HSF5: variants seen among roughly 807,000 people sequenced by gnomAD.
The protein encoded by HSF5 is heat shock transcription factor 5, also known as heat shock factor protein 5.
A neutral mutation model predicts 50.8 loss-of-function variants in HSF5; 5 were observed. The ratio of observed to expected loss-of-function variants is 0.10; its 90% CI spans 0.05 to 0.21. The LOEUF (loss-of-function observed/expected upper bound fraction) is 0.21. HSF5 is among the 10% of genes least tolerant of loss of function. The pLI is 1.00. For missense variants in HSF5, 564 were observed against 762.6 expected (o/e 0.74, Z 3.07); for synonymous variants, 307 against 307.4 (o/e 1.00, Z 0.02).
intron 3 of HSF5, among the ~76,000 whole-genome samples, chr17:58,463,950 T>C (rs1974828545): frequency 6.6e-6 from 1 of 152,244 alleles, no homozygotes; most frequent in Non-Finnish European, 1.5e-5. Context: ...TGTTTGGTGA[T>C]AAAGATCTGT....
At chr17:58,429,482 C>T (rs577982840) in intron 5 of HSF5, among the ~76,000 whole-genome samples, 1 of 152,194 alleles carries the variant, frequency 6.6e-6, no homozygotes, top group Admixed American at 6.5e-5. Flanking sequence ...TGCAGTGAGC[C>T]AAGATCATAC....
At chr17:58,484,337 C>T (rs1364544654) in intron 1 of HSF5, among the ~76,000 whole-genome samples, 2 of 152,050 alleles carry the variant, frequency 1.3e-5, no homozygotes, top group African/African-American at 4.8e-5. Context: ...AAATGCTGAC[C>T]AACTGAAGTA....
intron 1 of HSF5, among the ~76,000 whole-genome samples, chr17:58,486,023 C>T (rs1342093075): frequency 6.6e-6 from 1 of 152,046 alleles, no homozygotes; most frequent in Non-Finnish European, 1.5e-5. Flanking sequence ...GAGCGGAGAT[C>T]TTGCCATTGC....
At chr17:58,485,608 T>G (rs1396971663) in intron 1 of HSF5, among the ~76,000 whole-genome samples, 1 of 150,890 alleles carries the variant, frequency 6.6e-6, no homozygotes, top group Non-Finnish European at 1.5e-5. Context: ...ATTAGCTGGG[T>G]GTGGTGGCCA....
In HSF5 at chr17:58,422,160, G is replaced by A; in HGVS notation, c.*200C>T. 1 of 521,856 alleles carries A rather than the reference G, an allele frequency of 1.9e-6. No homozygotes were observed. The highest frequency in any genetic ancestry group is 3.5e-5 in the Admixed American group (1 of 28,456). The allele number at this position is 521,856 out of a possible 1,614,324, so 32.3% of individuals were successfully genotyped here. On this transcript the variant is annotated 3_prime_UTR_variant, in exon 6 of 6. Coordinates refer to ENST00000323777, the MANE Select transcript of HSF5 (RefSeq NM_001080439.3). The stretch of plus-strand genomic sequence containing the variant: ...GTGGCTGCTAGATGTTCAGTAGTTT[G>A]TCAAGGCAGATAATCTGAACTGAAC...
chr17:58,477,707 G>C (rs1009884254), intron 2 of HSF5, among the ~76,000 whole-genome samples: 3 of 151,898 alleles, frequency 2.0e-5, no homozygotes, highest in Admixed American at 2.0e-4. Flanking sequence ...TGATCTGCCC[G>C]CCTCGGCCTC....
chr17:58,456,624 A>T (rs1330749300), intron 5 of HSF5, among the ~76,000 whole-genome samples: 2 of 152,214 alleles, frequency 1.3e-5, no homozygotes, highest in Non-Finnish European at 2.9e-5. Context: ...TCTCAATTTG[A>T]TCATTACACT....
At chr17:58,443,747 T>C (rs1020296956) in intron 5 of HSF5, among the ~76,000 whole-genome samples, 2 of 152,246 alleles carry the variant, frequency 1.3e-5, no homozygotes, top group Non-Finnish European at 2.9e-5. Flanking sequence ...CCCAAACTTA[T>C]ATAAGAGAAA....
chr17:58,428,185 C>T (rs2143726198), intron 5 of HSF5, among the ~76,000 whole-genome samples: 1 of 152,304 alleles, frequency 6.6e-6, no homozygotes, highest in South Asian at 2.1e-4. Flanking sequence ...TTTACTAACT[C>T]CTCTTCTAAT....
intron 2 of HSF5, among the ~76,000 whole-genome samples, chr17:58,469,311 T>C (rs1186159769): frequency 1.3e-5 from 2 of 152,190 alleles, no homozygotes; most frequent in African/African-American, 4.8e-5. Flanking sequence ...GGTGTAAAAA[T>C]GTACTTTAAA....
In HSF5 at chr17:58,471,928, A is replaced by G. The variant is rs1974951019; in HGVS notation, c.926-4949T>C. Among the ~76,000 whole-genome samples the G allele has an allele frequency of 2.0e-5, 3 of 152,112 alleles. No individual in the cohort carries two copies. The South Asian group carries it at 6.2e-4, about 32-fold the overall frequency. On this transcript the variant is annotated intron_variant, in intron 2 of 5. Transcript: ENST00000323777. ...GAGTGCAGTGGCGCGATCTCAGCTCACTGCAGCCTCGGCCTCCCGGGTTCA... is the reference window on the plus strand; with the variant it reads ...GAGTGCAGTGGCGCGATCTCAGCTCGCTGCAGCCTCGGCCTCCCGGGTTCA...
At chr17:58,422,461 A>G (rs776594788) in intron 5 of HSF5, 31 bp from the exon 6 acceptor site, 1 of 1,588,006 alleles carries the variant, frequency 6.3e-7, no homozygotes, top group Admixed American at 1.7e-5. Flanking sequence ...ACTCCCTCTT[A>G]GCCTCTCTGT....
intron 5 of HSF5, among the ~76,000 whole-genome samples, chr17:58,423,517 TCA>T (rs1425270440): frequency 7.6e-6 from 1 of 131,264 alleles, no homozygotes; most frequent in African/African-American, 2.9e-5. Flanking sequence ...AGACAGAGTC[TCA>T]CACTGTCACC....
At chr17:58,470,334 C>CTT (rs937496810) in intron 2 of HSF5, among the ~76,000 whole-genome samples, 2 of 152,088 alleles carry the variant, frequency 1.3e-5, no homozygotes, top group Admixed American at 6.6e-5. Flanking sequence ...ATTATCCAGC[C>CTT]TTTAAAAGGA....
In HSF5 at chr17:58,488,023, G is replaced by C; in HGVS notation, c.252C>G (p.Leu84=). 6.2e-7 allele frequency: 1 copy of C among 1,608,006 alleles called. No individual in the cohort carries two copies. The highest frequency in any genetic ancestry group is 8.5e-7 in the Non-Finnish European group (1 of 1,178,420). ...TTSFTSFIRQ[L]NLYGFRKVVL... is the part of the protein sequence containing the mutation. ...CCACCTTGCGGAAGCCGTAGAGGTT[G>C]AGCTGGCGGATGAAGCTGGTGAAGC... The change falls in exon 1 of 6, where the codon CTC becomes CTG. Residue 84 remains leucine (L), a synonymous_variant. Transcript: ENST00000323777. The surrounding 1 kb of genome is among the most constrained non-coding windows in gnomAD (Gnocchi z 4.1).
intron 5 of HSF5, among the ~76,000 whole-genome samples, chr17:58,452,799 T>C (rs1039306044): frequency 3.3e-5 from 5 of 152,246 alleles, no homozygotes; most frequent in Non-Finnish European, 7.3e-5. Flanking sequence ...GTGTGTGTGA[T>C]CTTTCTGCCC....
intron 5 of HSF5, among the ~76,000 whole-genome samples, chr17:58,451,592 G>A (rs1974642402): frequency 6.6e-6 from 1 of 152,056 alleles, no homozygotes; most frequent in Admixed American, 6.6e-5. Context: ...AACAACCAAT[G>A]GATCTACGAA....
rs1374263494 is a variant in HSF5, at chr17:58,421,357, A to T, written c.*1003T>A. On this transcript the variant is annotated 3_prime_UTR_variant, in exon 6 of 6. Transcript: ENST00000323777. ...ATGGCTGCTAATCAGTTTTTTCCCA[A>T]ATTTGCACACAATACCTTATATAGA... is the stretch of plus-strand genomic sequence containing the variant. The T allele has an allele frequency of 6.6e-6, 1 of 152,624 alleles. No homozygotes were observed. The highest frequency in any genetic ancestry group is 1.5e-5 in the Non-Finnish European group (1 of 68,024). 9.5% of individuals were successfully genotyped at this position (152,624 alleles called of 1,614,324 possible). A position where few individuals can be genotyped will look rare whatever the true frequency, so the allele number is the denominator to read the frequency against.
intron 2 of HSF5, among the ~76,000 whole-genome samples, chr17:58,470,086 A>G (rs1012811819): frequency 3.3e-5 from 5 of 152,238 alleles, no homozygotes; most frequent in Admixed American, 6.5e-5. Context: ...ATAATAGTAT[A>G]TTTAATTTCA....
Sources: gnomAD v4.1 joint callset for allele counts (sites outside exome capture counted in the v4.1 genomes callset) on GRCh38, gnomAD v4.1.1 for gene constraint, Gnocchi (gnomAD v3.1) non-coding constraint, MANE v1.5 for transcripts, NCBI Gene and HGNC (gene_info 2026-07-23, HGNC 2026-07-21) for gene names.